KALRN: variants seen among roughly 807,000 people sequenced by gnomAD.
The protein encoded by KALRN is kalirin RhoGEF kinase.
KALRN carries 70 observed loss-of-function variants against 353.7 expected under a neutral mutation model. The observed-to-expected ratio is 0.20, with a 90% CI of 0.16 to 0.24. The LOEUF is 0.24. Ranked by LOEUF, KALRN falls within the 10% of genes least tolerant of loss-of-function variation. The pLI, the probability that KALRN is intolerant of heterozygous loss-of-function variation, is 1.00. For missense variants in KALRN, 2,791 were observed against 3,756.7 expected (o/e 0.74, Z 6.72); for synonymous variants, 1,391 against 1,434.8 (o/e 0.97, Z 0.69).
In KALRN at chr3:124,724,425, T is replaced by C. The variant is rs1282378942; in HGVS notation, c.*4955T>C. ...GTTAGACAAATGCAATATGTGACCT[T>C]TCAGTGAATTTATTTATAAAACTGC... is the stretch of plus-strand genomic sequence containing the variant. On this transcript the variant is annotated 3_prime_UTR_variant, in exon 60 of 60. Transcript: ENST00000682506. 1 of 152,150 alleles carries C rather than the reference T, an allele frequency of 6.6e-6. No individual in the cohort carries two copies. Among genetic ancestry groups the C allele is most frequent in the East Asian group, 1.9e-4 (1 of 5,194 alleles). The allele number at this position is 152,150 out of a possible 1,614,324, so 9.4% of individuals were successfully genotyped here.
At chr3:124,180,150 C>T (rs1160883055) in intron 1 of KALRN, among the ~76,000 whole-genome samples, 3 of 152,180 alleles carry the variant, frequency 2.0e-5, no homozygotes, top group Non-Finnish European at 4.4e-5. Context: ...TGGCTCTTCT[C>T]AGCTGCTGAC....
intron 11 of KALRN, among the ~76,000 whole-genome samples, chr3:124,385,744 AGAG>A (rs1180090581): frequency 6.6e-6 from 1 of 152,146 alleles, no homozygotes; most frequent in Non-Finnish European, 1.5e-5. Flanking sequence ...GGCCCCATAG[AGAG>A]GAGGATGGTT....
chr3:124,046,983 C>CTTTTTTTT (rs201245508), intron 1 of KALRN, among the ~76,000 whole-genome samples: 1 of 116,922 alleles, frequency 8.6e-6, no homozygotes, highest in Non-Finnish European at 1.8e-5. Flanking sequence ...GGAAATGTAT[C>CTTTTTTTT]TTTTTTTTTT....
chr3:124,213,293 T>C (rs2077047953), intron 1 of KALRN, among the ~76,000 whole-genome samples: 1 of 152,168 alleles, frequency 6.6e-6, no homozygotes, highest in African/African-American at 2.4e-5. Flanking sequence ...TCCAGTGCCA[T>C]TTATTGACTA....
chr3:124,673,706 C>T (rs896466367), intron 48 of KALRN, among the ~76,000 whole-genome samples: 7 of 151,954 alleles, frequency 4.6e-5, no homozygotes, highest in African/African-American at 1.7e-4. Flanking sequence ...AGGAAAGTTA[C>T]AAGTCTGTCT....
chr3:124,406,314 A>G (rs2091532453), intron 13 of KALRN, among the ~76,000 whole-genome samples: 1 of 152,244 alleles, frequency 6.6e-6, no homozygotes, highest in Non-Finnish European at 1.5e-5. Flanking sequence ...CATTGTAAGA[A>G]TTGATTAGCA....
At chr3:124,071,489 C>A (rs2060017749) in intron 1 of KALRN, among the ~76,000 whole-genome samples, 1 of 152,158 alleles carries the variant, frequency 6.6e-6, no homozygotes, top group African/African-American at 2.4e-5. Flanking sequence ...GAGCAGAAGA[C>A]ATCTTAGTCT....
chr3:124,715,013 C>G (rs1031897900), intron 58 of KALRN, among the ~76,000 whole-genome samples: 1 of 55,280 alleles, frequency 1.8e-5, no homozygotes, highest in Non-Finnish European at 2.8e-5. Flanking sequence ...GAGACTCCAT[C>G]TCAAAAAAAA....
rs16835392 is a variant in KALRN, at chr3:124,421,737, G to A, written c.2543-1075G>A. On this transcript the variant is annotated intron_variant, in intron 14 of 59. Coordinates refer to ENST00000682506, the MANE Select transcript of KALRN (RefSeq NM_001388419.1). The stretch of plus-strand genomic sequence containing the variant: ...GTTCCTTTGCTCTCTCTCCGAGTTC[G>A]TTCATTTCTGAGGCAGAAATTTATT... Among the ~76,000 whole-genome samples, 569 of 152,260 alleles carry A rather than the reference G, an allele frequency of 3.7e-3. 25 individuals carry two copies. In the East Asian group the frequency reaches 0.094, roughly 25 times the overall value.
chr3:124,120,711 A>AATATATAT (rs368470724), intron 1 of KALRN, among the ~76,000 whole-genome samples: 1,022 of 98,734 alleles, frequency 0.01, 14 homozygotes, highest in African/African-American at 0.026. Flanking sequence ...GAATACTAAA[A>AATATATAT]ATATATATAT....
At chr3:124,308,331 C>T (rs748120861) in intron 6 of KALRN, among the ~76,000 whole-genome samples, 2 of 151,918 alleles carry the variant, frequency 1.3e-5, no homozygotes, top group Non-Finnish European at 2.9e-5. Context: ...AACCAACAGA[C>T]ATCTATAGAA....
At chr3:124,574,699 A>C (rs2073910346) in intron 34 of KALRN, among the ~76,000 whole-genome samples, 1 of 152,218 alleles carries the variant, frequency 6.6e-6, no homozygotes, top group Non-Finnish European at 1.5e-5. Flanking sequence ...ACAGCTAGCT[A>C]AGCTGAACAC....
intron 10 of KALRN, among the ~76,000 whole-genome samples, chr3:124,378,546 C>T (rs1319101131): frequency 6.6e-6 from 1 of 152,014 alleles, no homozygotes. Flanking sequence ...TTCTTTCTTC[C>T]TGAAGGACTT....
In KALRN at chr3:124,269,234, CTTCGAGCAGGA is replaced by C; in HGVS notation, c.950_960del (p.Phe317CysfsTer2). On this transcript the variant is annotated frameshift_variant, in exon 5 of 60. Transcript: ENST00000682506. LOFTEE classifies it high-confidence loss of function. ...TGGACCAGTGCTTTCAGCTGCGGCT[CTTCGAGCAGGA>C]TGCTGAGAAGGTAGGAAGGGAACAG... The C allele has an allele frequency of 6.3e-7, 1 of 1,599,314 alleles. No homozygotes were observed. Among genetic ancestry groups the C allele is most frequent in the Non-Finnish European group, 8.6e-7 (1 of 1,168,818 alleles).
intron 51 of KALRN, among the ~76,000 whole-genome samples, chr3:124,683,423 G>A (rs948966649): frequency 6.6e-6 from 1 of 152,138 alleles, no homozygotes; most frequent in Non-Finnish European, 1.5e-5. Context: ...GCTCACTTCT[G>A]TTTTTGTACC....
chr3:124,135,850 G>A (rs1046884419), intron 1 of KALRN, among the ~76,000 whole-genome samples: 3 of 152,108 alleles, frequency 2.0e-5, no homozygotes, highest in African/African-American at 7.2e-5. Flanking sequence ...GAAGGGAAGT[G>A]ATGAACACTG....
intron 1 of KALRN, among the ~76,000 whole-genome samples, chr3:124,079,296 G>C (rs1324661782): frequency 6.6e-6 from 1 of 152,148 alleles, no homozygotes; most frequent in Non-Finnish European, 1.5e-5. Context: ...GGTCTCCGTA[G>C]ACCCTGTACA....
At chr3:124,256,455 G>A (rs2071996379) in intron 3 of KALRN, among the ~76,000 whole-genome samples, 1 of 152,174 alleles carries the variant, frequency 6.6e-6, no homozygotes, top group African/African-American at 2.4e-5. Flanking sequence ...AAATGAGCGG[G>A]GAGTGGCTTG....
intron 1 of KALRN, chr3:124,094,944 G>A (rs1192071891): frequency 3.2e-6 from 5 of 1,569,902 alleles, no homozygotes; most frequent in Non-Finnish European, 4.4e-6. Context: ...GAGACTGAGA[G>A]AGATAAATAC....
Sources: allele counts gnomAD v4.1 joint callset (sites outside exome capture counted in the v4.1 genomes callset), GRCh38; gene constraint gnomAD v4.1.1; transcripts MANE v1.5; gene names NCBI Gene and HGNC (gene_info 2026-07-23, HGNC 2026-07-21).